The following EXT2 variants were observed in gnomAD, a reference collection of about 807,000 sequenced individuals.
EXT2 encodes the protein exostosin-2.
In EXT2, 53 loss-of-function variants were observed where a neutral mutation model predicts 81.6. The observed-to-expected ratio is 0.65, with a 90% CI of 0.52 to 0.82. The LOEUF (loss-of-function observed/expected upper bound fraction) is 0.82. Ranked by LOEUF, EXT2 falls within the 40% of genes least tolerant of loss-of-function variation. The pLI, the probability that EXT2 is intolerant of heterozygous loss-of-function variation, is 0.00. For missense variants in EXT2, 774 were observed against 910.2 expected, an observed-to-expected ratio of 0.85 and a Z score of 1.93; for synonymous variants, 320 against 340.0, an observed-to-expected ratio of 0.94 and a Z score of 0.65.
chr11:44,202,101 A>C (rs1188868996), intron 9 of EXT2, among the ~76,000 whole-genome samples: 1 of 152,184 alleles, frequency 6.6e-6, no homozygotes, highest in Admixed American at 6.5e-5. Flanking sequence ...CTAACTTGCA[A>C]CAGGGAAAAG....
chr11:44,162,860 A>T (rs1954945359), intron 7 of EXT2, among the ~76,000 whole-genome samples: 1 of 152,210 alleles, frequency 6.6e-6, no homozygotes, highest in Admixed American at 6.5e-5. Flanking sequence ...AGCTTCATGA[A>T]TAAGGAAGTG....
At chr11:44,119,122 A>ATT (rs1163191238) in intron 4 of EXT2, among the ~76,000 whole-genome samples, 12,145 of 43,920 alleles carry the variant, frequency 0.28, 1,662 homozygotes, top group Admixed American at 0.47. Context: ...ACATTTGGCT[A>ATT]TTTATATATA....
At chr11:44,163,490 AAAGTTGGG>A (rs1439425813) in intron 7 of EXT2, among the ~76,000 whole-genome samples, 1 of 152,228 alleles carries the variant, frequency 6.6e-6, no homozygotes, top group Non-Finnish European at 1.5e-5. Flanking sequence ...AGGGCTTTGG[AAAGTTGGG>A]AATGCTCGTT....
At chr11:44,117,531 A>G (rs756729930) in intron 4 of EXT2, among the ~76,000 whole-genome samples, 1 of 152,040 alleles carries the variant, frequency 6.6e-6, no homozygotes, top group Non-Finnish European at 1.5e-5. Flanking sequence ...TTGCTTGTGT[A>G]TGTCTAGTTG....
chr11:44,182,486 A>C (rs1202099392), intron 8 of EXT2, among the ~76,000 whole-genome samples: 1 of 152,124 alleles, frequency 6.6e-6, no homozygotes, highest in Non-Finnish European at 1.5e-5. Context: ...TTGATCTAAA[A>C]ACTATATTTT....
At chr11:44,178,699 A>T (rs1955192414) in intron 8 of EXT2, among the ~76,000 whole-genome samples, 1 of 152,114 alleles carries the variant, frequency 6.6e-6, no homozygotes. Context: ...AGCACCCTGT[A>T]AGTTGTGGAA....
chr11:44,118,125 A>G (rs769424335), intron 4 of EXT2, among the ~76,000 whole-genome samples: 1 of 152,234 alleles, frequency 6.6e-6, no homozygotes, highest in Non-Finnish European at 1.5e-5. Flanking sequence ...ATATAAGCAC[A>G]TCTACAAAAC....
intron 7 of EXT2, among the ~76,000 whole-genome samples, chr11:44,161,255 A>G (rs1448058031): frequency 6.6e-6 from 1 of 152,246 alleles, no homozygotes; most frequent in Non-Finnish European, 1.5e-5. Context: ...CTGAGGAAAG[A>G]AAACATTTAA....
chr11:44,210,140 G>A (rs1438624643), intron 10 of EXT2, among the ~76,000 whole-genome samples: 1 of 152,214 alleles, frequency 6.6e-6, no homozygotes, highest in Admixed American at 6.5e-5. Context: ...TTCTTCCCAT[G>A]GGGATTTACC....
At chr11:44,195,131 C>T (rs1955439549) in intron 8 of EXT2, among the ~76,000 whole-genome samples, 1 of 152,128 alleles carries the variant, frequency 6.6e-6, no homozygotes, top group Admixed American at 6.5e-5. Flanking sequence ...AGAAGATCAA[C>T]ATTGAAAAGA....
At position 44,251,903 on chromosome 11, in the gene EXT2, A is replaced by G. The variant is rs1956141282; in HGVS notation, c.*7616A>G. On this transcript the variant is annotated 3_prime_UTR_variant, in exon 14 of 14. Transcript: ENST00000533608. ...AAGCTTACATTCTAATGAGGAAGAT[A>G]ACCAAAACAAGTGACTGAATATAAT... Among the ~76,000 whole-genome samples the G allele has an allele frequency of 6.6e-6, 1 of 152,248 alleles. No homozygotes were observed. The highest frequency in any genetic ancestry group is 1.5e-5 in the Non-Finnish European group (1 of 68,038).
chr11:44,234,173 C>G lies in EXT2; in HGVS notation c.1865C>G (p.Ala622Gly), dbSNP rs777853765. 1 of 1,614,140 alleles carries G rather than the reference C, an allele frequency of 6.2e-7. No individual in the cohort carries two copies. The highest frequency in any genetic ancestry group is 1.1e-5 in the South Asian group (1 of 91,074). Residue 622 changes from alanine (A) to glycine (G), a missense_variant, in exon 12 of 14, where the codon GCT (alanine) becomes GGT (glycine). Coordinates refer to ENST00000533608, the MANE Select transcript of EXT2 (RefSeq NM_207122.2). ...MPGDIKNWVD[A>G]HMNCEDIAMN... ...GGGGATATCAAGAACTGGGTAGATGCTCATATGAACTGTGAAGATATTGCC... is the reference window on the plus strand; with the variant it reads ...GGGGATATCAAGAACTGGGTAGATGGTCATATGAACTGTGAAGATATTGCC...
intron 2 of EXT2, 21 bp downstream of exon 2, chr11:44,108,269 C>T: frequency 6.2e-7 from 1 of 1,607,714 alleles, no homozygotes; most frequent in Non-Finnish European, 8.5e-7. Context: ...CTCATACAGC[C>T]CAGCCCCCAG....
intron 1 of EXT2, chr11:44,103,578 G>T: frequency 5.0e-6 from 2 of 399,896 alleles, no homozygotes; most frequent in Middle Eastern, 5.1e-4. Context: ...CTGAACTCTG[G>T]AATAATTTGT....
At chr11:44,211,538 T>C (rs1955648406) in intron 10 of EXT2, among the ~76,000 whole-genome samples, 1 of 152,112 alleles carries the variant, frequency 6.6e-6, no homozygotes, top group South Asian at 2.1e-4. Context: ...AAGACAAACA[T>C]TGTATTATCT....
In EXT2 at chr11:44,244,249, G is replaced by A. The variant is rs761713851; in HGVS notation, c.2119G>A (p.Glu707Lys). 2 of 1,613,958 alleles carry A rather than the reference G, an allele frequency of 1.2e-6. No individual in the cohort carries two copies. Among genetic ancestry groups the A allele is most frequent in the Non-Finnish European group, 1.7e-6 (2 of 1,180,008 alleles). The change falls in exon 14 of 14, where the codon GAG becomes AAG. Residue 707 changes from glutamate (E) to lysine (K), a missense_variant. This residue lies in a region of EXT2 where 148 missense variants were observed against 239.7 expected (regional missense o/e 0.62). Coordinates refer to ENST00000533608, the MANE Select transcript of EXT2 (RefSeq NM_207122.2). ...DPVLYKDDFPEKLKSFPNIGS... is the reference protein window; with the variant it reads ...DPVLYKDDFPKKLKSFPNIGS... Reference sequence around the variant, plus strand: ...TGTCCTGTACAAAGATGACTTTCCTGAGAAGCTGAAGAGCTTCCCCAACAT... The same window carrying A: ...TGTCCTGTACAAAGATGACTTTCCTAAGAAGCTGAAGAGCTTCCCCAACAT...
At chr11:44,179,339 A>G (rs1188277751) in intron 8 of EXT2, among the ~76,000 whole-genome samples, 3 of 152,164 alleles carry the variant, frequency 2.0e-5, no homozygotes, top group African/African-American at 4.8e-5. Flanking sequence ...ATCTACACAC[A>G]TTGTTTCCTT....
At chr11:44,137,069 T>G (rs1954581239) in intron 7 of EXT2, among the ~76,000 whole-genome samples, 1 of 152,228 alleles carries the variant, frequency 6.6e-6, no homozygotes, top group Non-Finnish European at 1.5e-5. Flanking sequence ...CAACATGTGT[T>G]GTTTAAAGCA....
chr11:44,174,787 A>G (rs1420230199), intron 8 of EXT2, among the ~76,000 whole-genome samples: 1 of 152,218 alleles, frequency 6.6e-6, no homozygotes. Flanking sequence ...GTTAAAAGAA[A>G]AGGGTAGGTA....
Sources: gnomAD v4.1 joint callset for allele counts (sites outside exome capture counted in the v4.1 genomes callset) on GRCh38, gnomAD v4.1.1 for gene constraint, gnomAD v4.1.1 regional missense constraint, MANE v1.5 for transcripts, NCBI Gene and HGNC (gene_info 2026-07-23, HGNC 2026-07-21) for gene names.